Variants in TMTC2 observed in about 807,000 individuals in gnomAD.
TMTC2 encodes the protein protein O-mannosyl-transferase TMTC2.
A neutral mutation model predicts 82.4 loss-of-function variants in TMTC2; 43 were observed. That is an observed-to-expected ratio of 0.52 (90% CI 0.41 to 0.67). TMTC2 has a LOEUF of 0.67. Among genes scored for constraint, TMTC2 ranks in the 30% least tolerant of loss-of-function variants. TMTC2 has a pLI of 0.00. For synonymous variants in TMTC2, 408 were observed against 381.9 expected (o/e 1.07, Z -0.80); for missense variants, 919 against 1,012.4 (o/e 0.91, Z 1.25).
intron 2 of TMTC2, among the ~76,000 whole-genome samples, chr12:82,865,749 A>G (rs1410078823): frequency 2.0e-5 from 3 of 152,222 alleles, no homozygotes; most frequent in Non-Finnish European, 4.4e-5. Context: ...AAAATTGACC[A>G]CATAGTTGGA....
intron 11 of TMTC2, among the ~76,000 whole-genome samples, chr12:83,114,956 G>GA (rs935869919): frequency 1.3e-5 from 2 of 151,712 alleles, no homozygotes; most frequent in African/African-American, 2.4e-5. Context: ...ATGTCTAGGG[G>GA]AAAAAATGAG....
intron 5 of TMTC2, 103 bp from the exon 6 acceptor site, chr12:82,965,457 A>T: frequency 4.0e-6 from 5 of 1,257,578 alleles, no homozygotes; most frequent in Admixed American, 4.7e-5. Context: ...TTTCTTTTTT[A>T]ATGAGCACTA....
At chr12:82,866,670 G>C (rs550652673) in intron 2 of TMTC2, among the ~76,000 whole-genome samples, 1 of 152,258 alleles carries the variant, frequency 6.6e-6, no homozygotes, top group South Asian at 2.1e-4. Flanking sequence ...TCATACTCAA[G>C]CCAGTATTTT....
chr12:82,704,655 A>C (rs1873257122), intron 1 of TMTC2, among the ~76,000 whole-genome samples: 1 of 152,018 alleles, frequency 6.6e-6, no homozygotes, highest in Non-Finnish European at 1.5e-5. Flanking sequence ...TTTTTGGTAA[A>C]ATAGTATTTT....
chr12:82,760,617 A>C (rs1297999695), intron 1 of TMTC2, among the ~76,000 whole-genome samples: 1 of 152,088 alleles, frequency 6.6e-6, no homozygotes, highest in Non-Finnish European at 1.5e-5. Flanking sequence ...GTATGGGTCC[A>C]TGGCCTGTTA....
intron 11 of TMTC2, among the ~76,000 whole-genome samples, chr12:83,089,903 A>G (rs879918857): frequency 4.6e-5 from 7 of 151,810 alleles, no homozygotes; most frequent in Admixed American, 1.3e-4. Context: ...TGCTCTTTGT[A>G]CTCCTTATAT....
At chr12:83,024,802 T>C (rs1451190803) in intron 8 of TMTC2, among the ~76,000 whole-genome samples, 1 of 152,200 alleles carries the variant, frequency 6.6e-6, no homozygotes. Context: ...TTTCCAGATA[T>C]GAAATGGAGA....
At chr12:82,917,790 G>A (rs570527395) in intron 3 of TMTC2, among the ~76,000 whole-genome samples, 1 of 152,134 alleles carries the variant, frequency 6.6e-6, no homozygotes, top group African/African-American at 2.4e-5. Context: ...TTTTAGTAGA[G>A]ACAGGGTTTC....
chr12:82,917,406 G>A lies in TMTC2; in HGVS notation c.1484-13025G>A, dbSNP rs181719859. Among the ~76,000 whole-genome samples the A allele has an allele frequency of 3.9e-3, 587 of 152,062 alleles. 8 individuals are homozygous for A. Among genetic ancestry groups the A allele is most frequent in the African/African-American group, 0.014 (569 of 41,524 alleles). On this transcript the variant is annotated intron_variant, in intron 3 of 11. Coordinates refer to ENST00000321196, the MANE Select transcript of TMTC2 (RefSeq NM_152588.3). ...TCCAAGACTTCCATTATGGTTAAAG[G>A]CAAGGACTTTGGAACCAGACAGACA...
At position 82,687,292 on chromosome 12, in the gene TMTC2, T is replaced by G. The variant is rs920502544; in HGVS notation, c.-295T>G. The G allele has an allele frequency of 2.4e-5, 12 of 493,620 alleles. No homozygotes were observed. The Admixed American group carries it at 4.1e-4, about 17-fold the overall frequency. 30.6% of individuals were successfully genotyped at this position (493,620 alleles called of 1,614,324 possible). A position where few individuals can be genotyped will look rare whatever the true frequency, so the allele number is the denominator to read the frequency against. On this transcript the variant is annotated 5_prime_UTR_variant, in exon 1 of 12. Coordinates refer to ENST00000321196, the MANE Select transcript of TMTC2 (RefSeq NM_152588.3). ...CGCGACCCGCGCGAAAGACCAGCCC[T>G]GCGCTTCCGCCGGGGGACGCGGAGC...
At chr12:82,736,659 T>G (rs916238477) in intron 1 of TMTC2, among the ~76,000 whole-genome samples, 1 of 152,242 alleles carries the variant, frequency 6.6e-6, no homozygotes, top group African/African-American at 2.4e-5. Context: ...CTGGGCATTA[T>G]TCCCATGATG....
chr12:82,792,611 C>T (rs1229005271), intron 1 of TMTC2, among the ~76,000 whole-genome samples: 4 of 151,980 alleles, frequency 2.6e-5, no homozygotes, highest in African/African-American at 4.8e-5. Context: ...GGACAACAGA[C>T]GTGCATCACC....
chr12:83,082,916 T>A (rs1375233560), intron 11 of TMTC2, among the ~76,000 whole-genome samples: 1 of 152,340 alleles, frequency 6.6e-6, no homozygotes, highest in African/African-American at 2.4e-5. Context: ...TATTCACATG[T>A]CCTGGTAGGC....
At chr12:82,761,525 T>C (rs1462855494) in intron 1 of TMTC2, among the ~76,000 whole-genome samples, 3 of 152,220 alleles carry the variant, frequency 2.0e-5, no homozygotes, top group African/African-American at 7.2e-5. Context: ...GGTGGGATTC[T>C]CTATGGCCTT....
At chr12:82,884,833 G>T (rs2137161149) in intron 2 of TMTC2, among the ~76,000 whole-genome samples, 1 of 152,106 alleles carries the variant, frequency 6.6e-6, no homozygotes, top group Non-Finnish European at 1.5e-5. Flanking sequence ...GTGTCAGCTG[G>T]GATGGCACAT....
chr12:82,786,130 C>T (rs1246671733), intron 1 of TMTC2, among the ~76,000 whole-genome samples: 2 of 152,042 alleles, frequency 1.3e-5, no homozygotes, highest in African/African-American at 4.8e-5. Context: ...GTTCTATTGC[C>T]TTAGATTTCC....
chr12:83,069,384 C>T (rs1478429886), intron 11 of TMTC2, among the ~76,000 whole-genome samples: 3 of 152,110 alleles, frequency 2.0e-5, no homozygotes, highest in Non-Finnish European at 4.4e-5. Context: ...TTGATTATGG[C>T]CATTCTTGCA....
At chr12:82,999,060 T>G (rs879560390) in intron 8 of TMTC2, among the ~76,000 whole-genome samples, 1 of 152,120 alleles carries the variant, frequency 6.6e-6, no homozygotes, top group Non-Finnish European at 1.5e-5. Context: ...TCAACTAAAG[T>G]CCATATTTTA....
rs772841018 is a variant in TMTC2 at position 82,851,074 on chromosome 12, AAAC to A, written c.84-5931_84-5929del. 5.3e-5 allele frequency among the ~76,000 whole-genome samples: 8 copies of A among 152,138 alleles called. No individual in the cohort carries two copies. In the South Asian group the frequency reaches 1.2e-3, roughly 24 times the overall value. ...GCGAGACTCCATCTCAAAAAAAAGAAAACAACATTGTGTTTGCATTGATGGCTA... is the reference window on the plus strand; with the variant it reads ...GCGAGACTCCATCTCAAAAAAAAGAAAACATTGTGTTTGCATTGATGGCTA... On this transcript the variant is annotated intron_variant, in intron 1 of 11. Transcript: ENST00000321196.
Sources: allele counts gnomAD v4.1 joint callset (sites outside exome capture counted in the v4.1 genomes callset), GRCh38; gene constraint gnomAD v4.1.1; transcripts MANE v1.5; gene names NCBI Gene and HGNC (gene_info 2026-07-23, HGNC 2026-07-21).